Variants in PEAK1 observed in about 807,000 individuals in gnomAD.
PEAK1 encodes the protein inactive tyrosine-protein kinase PEAK1.
Under a neutral mutation model 124.7 loss-of-function variants are expected in PEAK1, and 54 were observed. That is an observed-to-expected ratio of 0.43 (90% CI 0.35 to 0.54). The LOEUF (loss-of-function observed/expected upper bound fraction) is 0.54. PEAK1 is among the 20% of genes least tolerant of loss of function. The pLI is 0.01. For missense variants in PEAK1, 2,046 were observed against 2,134.5 expected (o/e 0.96, Z 0.82); for synonymous variants, 719 against 760.0 (o/e 0.95, Z 0.89).
intron 2 of PEAK1, among the ~76,000 whole-genome samples, chr15:77,313,517 A>G (rs1239699988): frequency 6.6e-6 from 1 of 151,522 alleles, no homozygotes; most frequent in Non-Finnish European, 1.5e-5. Flanking sequence ...CCCAAGCTGG[A>G]GTGCAATGGC....
At chr15:77,127,046 T>C (rs112857433) in intron 9 of PEAK1, among the ~76,000 whole-genome samples, 28 of 152,254 alleles carry the variant, frequency 1.8e-4, no homozygotes, top group African/African-American at 6.3e-4. Context: ...AGGTAATTAA[T>C]TAAAAGAGAT....
At chr15:77,419,780 G>C (rs1159550611) in intron 1 of PEAK1, among the ~76,000 whole-genome samples, 1 of 148,740 alleles carries the variant, frequency 6.7e-6, no homozygotes, top group African/African-American at 2.4e-5. Flanking sequence ...GGCACCGGCG[G>C]GGCGCGGGGG....
chr15:77,351,419 G>A (rs931648344), intron 2 of PEAK1, among the ~76,000 whole-genome samples: 2 of 152,066 alleles, frequency 1.3e-5, no homozygotes, highest in African/African-American at 4.8e-5. Context: ...CTGGAGGCAG[G>A]GAACATAAAG....
intron 7 of PEAK1, among the ~76,000 whole-genome samples, chr15:77,177,569 CCCAT>C (rs1387433987): frequency 6.6e-6 from 1 of 151,736 alleles, no homozygotes; most frequent in Non-Finnish European, 1.5e-5. Context: ...GTAAATCTGC[CCCAT>C]CCATCAGAAT....
chr15:77,277,301 G>C (rs1427535563), intron 5 of PEAK1, among the ~76,000 whole-genome samples: 1 of 152,166 alleles, frequency 6.6e-6, no homozygotes, highest in Non-Finnish European at 1.5e-5. Context: ...CCAAGGGTGA[G>C]GGATGGTGAA....
In PEAK1 at chr15:77,149,271, T is replaced by G. The variant is rs546987766; in HGVS notation, c.3331+9232A>C. Reference sequence around the variant, plus strand: ...GAAACAAATTCCACAGTAAAAATGATGGTAAGCCTTGAATTTTTCCCCCTT... The same window carrying G: ...GAAACAAATTCCACAGTAAAAATGAGGGTAAGCCTTGAATTTTTCCCCCTT... On this transcript the variant is annotated intron_variant, in intron 8 of 9. Transcript: ENST00000682557. Among the ~76,000 whole-genome samples, 4 of 152,346 alleles carry G rather than the reference T, an allele frequency of 2.6e-5. No individual in the cohort carries two copies. The East Asian group carries it at 5.8e-4, about 22-fold the overall frequency.
At chr15:77,348,172 G>A (rs2066985683) in intron 2 of PEAK1, 2 of 968,376 alleles carry the variant, frequency 2.1e-6, no homozygotes, top group Admixed American at 6.4e-5. Flanking sequence ...CTTCACTTAA[G>A]CCACATGCTA....
chr15:77,342,412 T>C (rs2066601419), intron 2 of PEAK1, among the ~76,000 whole-genome samples: 1 of 150,312 alleles, frequency 6.7e-6, no homozygotes, highest in South Asian at 2.1e-4. Flanking sequence ...TGTCTTTTTT[T>C]TTTTTTTTTT....
At chr15:77,240,297 GAAAAATT>G (rs2060296215) in intron 6 of PEAK1, among the ~76,000 whole-genome samples, 2 of 152,052 alleles carry the variant, frequency 1.3e-5, no homozygotes, top group Non-Finnish European at 2.9e-5. Flanking sequence ...CAACATTAGA[GAAAAATT>G]ATTTTCTCTT....
chr15:77,367,587 T>C (rs1207655427), intron 1 of PEAK1, among the ~76,000 whole-genome samples: 3 of 152,190 alleles, frequency 2.0e-5, no homozygotes, highest in African/African-American at 7.2e-5. Flanking sequence ...GTTGGGTAAT[T>C]TGAAATGTGT....
downstream of PEAK1, chr15:77,104,469 G>C (rs942082925): frequency 1.3e-5 from 2 of 152,472 alleles, no homozygotes; most frequent in Non-Finnish European, 2.9e-5. Context: ...CATCCCAAAA[G>C]CTTCTTGGCT....
intron 5 of PEAK1, among the ~76,000 whole-genome samples, chr15:77,277,258 A>T (rs1157876227): frequency 6.6e-6 from 1 of 152,216 alleles, no homozygotes; most frequent in African/African-American, 2.4e-5. Flanking sequence ...TTTATATAAC[A>T]TTCTCAAAAT....
intron 2 of PEAK1, among the ~76,000 whole-genome samples, chr15:77,287,259 A>G (rs2062977943): frequency 6.6e-6 from 1 of 152,242 alleles, no homozygotes; most frequent in African/African-American, 2.4e-5. Context: ...TTAAAACAAA[A>G]CCAGAATAGG....
intron 1 of PEAK1, among the ~76,000 whole-genome samples, chr15:77,372,618 G>C (rs1323238599): frequency 6.6e-6 from 1 of 152,156 alleles, no homozygotes; most frequent in African/African-American, 2.4e-5. Flanking sequence ...ATCTAAAATA[G>C]TTTAGATATG....
chr15:77,182,878 G>T (rs766424713), intron 6 of PEAK1, among the ~76,000 whole-genome samples: 1 of 151,926 alleles, frequency 6.6e-6, no homozygotes, highest in Non-Finnish European at 1.5e-5. Flanking sequence ...CTTGAATAGG[G>T]GAAACAACAT....
intron 5 of PEAK1, among the ~76,000 whole-genome samples, chr15:77,255,912 T>C (rs1328433143): frequency 1.3e-5 from 2 of 152,166 alleles, no homozygotes; most frequent in Non-Finnish European, 2.9e-5. Flanking sequence ...TTGAAATGTA[T>C]TTTGTGTTGT....
intron 5 of PEAK1, among the ~76,000 whole-genome samples, chr15:77,274,822 C>G (rs753945782): frequency 2.0e-4 from 31 of 151,748 alleles, no homozygotes; most frequent in Non-Finnish European, 4.1e-4. Context: ...GATATCTATT[C>G]AGAGGAAAAA....
At position 77,180,913 on chromosome 15, in the gene PEAK1, T is replaced by C. The variant is rs2057225308; in HGVS notation, c.1014A>G (p.Ser338=). ...AAGAATCTGGTGATGTGGAGTCAGA[T>C]GACACCATGCTCTGAATGCTTCCTT... is the stretch of plus-strand genomic sequence containing the variant. ...YGQGSIQSMV[S]SDSTSPDSSL... The change falls in exon 7 of 10, where the codon TCA becomes TCG. Residue 338 remains serine (S), a synonymous_variant. Transcript: ENST00000682557. The C allele has an allele frequency of 6.2e-7, 1 of 1,614,146 alleles. No homozygotes were observed. Among genetic ancestry groups the C allele is most frequent in the South Asian group, 1.1e-5 (1 of 91,088 alleles).
chr15:77,195,887 T>C (rs944799798), intron 6 of PEAK1, among the ~76,000 whole-genome samples: 5 of 152,206 alleles, frequency 3.3e-5, no homozygotes, highest in African/African-American at 1.2e-4. Flanking sequence ...CCACGGAAGG[T>C]GCAGATTTAC....
Sources: gnomAD v4.1 joint callset for allele counts (sites outside exome capture counted in the v4.1 genomes callset) on GRCh38, gnomAD v4.1.1 for gene constraint, MANE v1.5 for transcripts, NCBI Gene and HGNC (gene_info 2026-07-23, HGNC 2026-07-21) for gene names.